Variants in DDA1 observed in about 807,000 individuals in gnomAD.
DDA1 encodes DET1 and DDB1 associated 1.
A neutral mutation model predicts 18.6 loss-of-function variants in DDA1; 3 were observed. The ratio of observed to expected loss-of-function variants is 0.16; its 90% confidence interval spans 0.07 to 0.42. The LOEUF is 0.42. Among genes scored for constraint, DDA1 ranks in the 10% least tolerant of loss-of-function variants. DDA1 has a pLI of 0.99. For synonymous variants in DDA1, 52 were observed against 54.0 expected (o/e 0.96, Z 0.17); for missense variants, 105 against 138.2 (o/e 0.76, Z 1.20).
chr19:17,315,455 T>TATATATA (rs1568354250), intron 3 of DDA1, among the ~76,000 whole-genome samples: 39 of 137,090 alleles, frequency 2.8e-4, no homozygotes, highest in South Asian at 6.7e-4. Flanking sequence ...TATATATATA[T>TATATATA]TAGCCGGGCG....
Position 17,320,459 on chromosome 19 carries a change from C to T in DDA1, c.*803C>T, listed in dbSNP as rs2074234771. ...GAGGCCACCATGTTCAAGGCCAAGA[C>T]CTGCCTGGACCATCCCCTCTGCCTC... On this transcript the variant is annotated 3_prime_UTR_variant, in exon 5 of 5. Coordinates refer to ENST00000359866, the MANE Select transcript of DDA1 (RefSeq NM_024050.6). 1 of 152,292 alleles carries T rather than the reference C, an allele frequency of 6.6e-6. No homozygotes were observed. The highest frequency in any genetic ancestry group is 2.4e-5 in the African/African-American group (1 of 41,442). 9.4% of individuals were successfully genotyped at this position (152,292 alleles called of 1,614,324 possible).
rs1239747863 is a variant in DDA1 at position 17,315,262 on chromosome 19, TAC to T, written c.137-665_137-664del. Among the ~76,000 whole-genome samples, 32 of 76,198 alleles carry T rather than the reference TAC, an allele frequency of 4.2e-4. 10 individuals are homozygous for T. Among genetic ancestry groups the T allele is most frequent in the East Asian group, 1.8e-3 (7 of 4,000 alleles). 50.0% of individuals were successfully genotyped at this position (76,198 alleles called of 152,430 possible). A position where few individuals can be genotyped will look rare whatever the true frequency, so the allele number is the denominator to read the frequency against. Reference sequence around the variant, plus strand: ...ACGTGTATATACACACACGTGTATATACACACACGTGTATATACACACACTAT... The same window carrying T: ...ACGTGTATATACACACACGTGTATATACACACGTGTATATACACACACTAT... On this transcript the variant is annotated intron_variant, in intron 3 of 4. Transcript: ENST00000359866.
intron 3 of DDA1, among the ~76,000 whole-genome samples, chr19:17,315,215 ACACACACGTG>A: frequency 1.1e-4 from 3 of 26,284 alleles, no homozygotes; most frequent in Non-Finnish European, 2.2e-4. Context: ...ACGTGTATAT[ACACACACGTG>A]TATACACACA....
rs1491442117 is a variant in DDA1 at position 17,315,179 on chromosome 19, ACG to A, written c.137-754_137-753del. ...TATATACACACGTGTATATACACAC[ACG>A]TGTATACACACACGTGTATACACAC... On this transcript the variant is annotated intron_variant, in intron 3 of 4. Transcript: ENST00000359866. 2.5e-4 allele frequency among the ~76,000 whole-genome samples: 10 copies of A among 40,700 alleles called. 2 individuals are homozygous for A. The highest frequency in any genetic ancestry group is 7.5e-4 in the African/African-American group (4 of 5,346). The allele number at this position is 40,700 out of a possible 152,430, so 26.7% of individuals were successfully genotyped here.
chr19:17,309,630 G>A lies in DDA1; in HGVS notation c.-25G>A. 1 of 1,612,860 alleles carries A rather than the reference G, an allele frequency of 6.2e-7. No individual in the cohort carries two copies. Among genetic ancestry groups the A allele is most frequent in the Non-Finnish European group, 8.5e-7 (1 of 1,179,336 alleles). On this transcript the variant is annotated 5_prime_UTR_variant, in exon 1 of 5. Transcript: ENST00000359866. ...GGCGGTGGAGGCTGAGGCGGCGGCCGAGGCGGCGACGGAGGAAACAGAAGA... is the reference window on the plus strand; with the variant it reads ...GGCGGTGGAGGCTGAGGCGGCGGCCAAGGCGGCGACGGAGGAAACAGAAGA...
chr19:17,309,697 A>T (rs1474967022), intron 1 of DDA1, 40 bp downstream of exon 1: 2 of 1,606,490 alleles, frequency 1.2e-6, no homozygotes, highest in Non-Finnish European at 1.7e-6. Context: ...CCTCTGCTAG[A>T]CAAAATGGCG....
intron 4 of DDA1, among the ~76,000 whole-genome samples, chr19:17,316,380 G>A (rs1019856074): frequency 3.9e-5 from 6 of 152,136 alleles, no homozygotes; most frequent in African/African-American, 1.2e-4. Context: ...AGGAGATCGA[G>A]ACCATCGTGG....
chr19:17,319,516 C>G, intron 4 of DDA1, 30 bp from the exon 5 acceptor site: 1 of 1,544,464 alleles, frequency 6.5e-7, no homozygotes. Context: ...AAAAAAGACT[C>G]ACAGCCCCTC....
At position 17,314,083 on chromosome 19, in the gene DDA1, G is replaced by A; in HGVS notation, c.64G>A (p.Asp22Asn). Reference sequence around the variant, plus strand: ...AAGCAATTTTAGTCGATTTCACGCGGACTCCGTGTGCAAAGCCTCGGTGAG... The same window carrying A: ...AAGCAATTTTAGTCGATTTCACGCGAACTCCGTGTGCAAAGCCTCGGTGAG... ...NKSNFSRFHA[D>N]SVCKASNRRP... The change falls in exon 2 of 5, where the codon GAC (aspartate) becomes AAC (asparagine). Residue 22 changes from aspartate (D) to asparagine (N), a missense_variant. Physicochemically the swap from Asp to Asn is conservative, Grantham distance 23 (BLOSUM62 1). Around this residue, in one of 2 missense-constraint regions of DDA1, gnomAD observed 43 missense variants for 82.3 expected, o/e 0.52. Coordinates refer to ENST00000359866, the MANE Select transcript of DDA1 (RefSeq NM_024050.6). The surrounding 1 kb of genome is among the most constrained non-coding windows in gnomAD (Gnocchi z 4.6). 1.9e-6 allele frequency: 3 copies of A among 1,614,120 alleles called. No individual in the cohort carries two copies. Among genetic ancestry groups the A allele is most frequent in the Non-Finnish European group, 8.5e-7 (1 of 1,180,018 alleles).
At position 17,323,086 on chromosome 19, in the gene DDA1, A is replaced by C. The variant is rs945775103; in HGVS notation, c.*3430A>C. On this transcript the variant is annotated 3_prime_UTR_variant, in exon 5 of 5. Coordinates refer to ENST00000359866, the MANE Select transcript of DDA1 (RefSeq NM_024050.6). ...AGCCTGGAGTTTTCCATCTGTGGCCAAGACCCAGTTTTTGGGAGGAGGCCC... is the reference window on the plus strand; with the variant it reads ...AGCCTGGAGTTTTCCATCTGTGGCCCAGACCCAGTTTTTGGGAGGAGGCCC... 1 of 152,406 alleles carries C rather than the reference A, an allele frequency of 6.6e-6. No homozygotes were observed. Among genetic ancestry groups the C allele is most frequent in the African/African-American group, 2.4e-5 (1 of 41,456 alleles). The allele number at this position is 152,406 out of a possible 1,614,324, so 9.4% of individuals were successfully genotyped here.
At chr19:17,312,572 GC>G (rs2074184216) in intron 1 of DDA1, among the ~76,000 whole-genome samples, 1 of 152,144 alleles carries the variant, frequency 6.6e-6, no homozygotes, top group African/African-American at 2.4e-5. Context: ...AGGTCTCAGT[GC>G]CTGCATCCCT....
In DDA1 at chr19:17,317,305, C is replaced by T. The variant is rs1022446101; in HGVS notation, c.198+1310C>T. Among the ~76,000 whole-genome samples, 28 of 151,992 alleles carry T rather than the reference C, an allele frequency of 1.8e-4. 1 individual carries two copies. Among genetic ancestry groups the T allele is most frequent in the Non-Finnish European group, 1.2e-4 (8 of 68,008 alleles). The stretch of plus-strand genomic sequence containing the variant: ...CAGGCAGACCATGAGGTCAGGAGAT[C>T]GAGACCATCCTGGCTAACACGGTGA... On this transcript the variant is annotated intron_variant, in intron 4 of 4. Coordinates refer to ENST00000359866, the MANE Select transcript of DDA1 (RefSeq NM_024050.6).
chr19:17,312,694 G>T (rs552736865), intron 1 of DDA1, among the ~76,000 whole-genome samples: 7 of 152,328 alleles, frequency 4.6e-5, no homozygotes, highest in African/African-American at 1.7e-4. Context: ...GCACTGTGCA[G>T]CTCTTTGCCC....
At chr19:17,319,404 A>G (rs1035539137) in intron 4 of DDA1, 142 bp from the exon 5 acceptor site, 2 of 667,972 alleles carry the variant, frequency 3.0e-6, no homozygotes, top group African/African-American at 3.7e-5. Flanking sequence ...TGTCTACCAA[A>G]AGTAAAAATA....
intron 1 of DDA1, among the ~76,000 whole-genome samples, chr19:17,313,604 A>G (rs1340905962): frequency 6.6e-6 from 1 of 151,788 alleles, no homozygotes; most frequent in Non-Finnish European, 1.5e-5. Context: ...CACCACGCCC[A>G]CCTAATTTTT....
At chr19:17,312,784 T>C (rs2074185225) in intron 1 of DDA1, among the ~76,000 whole-genome samples, 1 of 152,068 alleles carries the variant, frequency 6.6e-6, no homozygotes, top group Non-Finnish European at 1.5e-5. Context: ...CAGAAGACCT[T>C]GCTGAATGAA....
intron 1 of DDA1, chr19:17,310,210 T>C (rs1343214519): frequency 6.5e-6 from 1 of 153,714 alleles, no homozygotes; most frequent in African/African-American, 2.4e-5. Context: ...TCCGCATGGA[T>C]TGTCCCTGTG....
intron 3 of DDA1, among the ~76,000 whole-genome samples, chr19:17,315,365 ATATATATACACACGTATATATATACACAC>A (rs2074206423): frequency 1.6e-5 from 1 of 61,970 alleles, no homozygotes; most frequent in African/African-American, 5.1e-5. Context: ...TATATACGCT[ATATATATACACACGTATATATATACACAC>A]TATATATATA....
chr19:17,316,053 G>A, intron 4 of DDA1, 58 bp downstream of exon 4: 2 of 1,579,034 alleles, frequency 1.3e-6, no homozygotes, highest in South Asian at 2.2e-5. Context: ...TGGGCACCTG[G>A]CAGGGGCTTC....
Sources: gnomAD v4.1 joint callset for allele counts (sites outside exome capture counted in the v4.1 genomes callset) on GRCh38, gnomAD v4.1.1 for gene constraint, gnomAD v4.1.1 regional missense constraint, Gnocchi (gnomAD v3.1) non-coding constraint, MANE v1.5 for transcripts, NCBI Gene and HGNC (gene_info 2026-07-23, HGNC 2026-07-21) for gene names.